The following ANKRD28 variants were observed in gnomAD, a reference collection of about 807,000 sequenced individuals.
The protein encoded by ANKRD28 is serine/threonine-protein phosphatase 6 regulatory ankyrin repeat subunit A.
In ANKRD28, 44 loss-of-function variants were observed where a neutral mutation model predicts 126.5. The ratio of observed to expected loss-of-function variants is 0.35; its 90% CI spans 0.27 to 0.45. The LOEUF is 0.45. Among genes scored for constraint, ANKRD28 ranks in the 20% least tolerant of loss-of-function variants. The pLI, the probability that ANKRD28 is intolerant of heterozygous loss-of-function variation, is 1.00. For synonymous variants in ANKRD28, 442 were observed against 468.5 expected, an observed-to-expected ratio of 0.94 and a Z score of 0.73; for missense variants, 1,110 against 1,316.6, an observed-to-expected ratio of 0.84 and a Z score of 2.43.
Position 15,670,547 on chromosome 3 carries a change from G to A in ANKRD28, c.2975C>T (p.Pro992Leu). 6.2e-7 allele frequency: 1 copy of A among 1,613,460 alleles called. No individual in the cohort carries two copies. The highest frequency in any genetic ancestry group is 8.5e-7 in the Non-Finnish European group (1 of 1,179,548). ...CTTATTGGGAGCACAGGCCAAAGCT[G>A]GGGTATAGCCTAGAATTAAAGATAA... ...VLAVDENGYTPALACAPNKDV... is the reference protein window; with the variant it reads ...VLAVDENGYTLALACAPNKDV... Residue 992 changes from proline (P) to leucine (L), a missense_variant, in exon 28 of 28, where the codon CCA (proline) becomes CTA (leucine). Physicochemically the swap from Pro to Leu is moderately conservative, Grantham distance 98. Coordinates refer to ENST00000683139, the MANE Select transcript of ANKRD28 (RefSeq NM_001349278.2).
At chr3:15,689,834 C>T (rs139478457) in intron 18 of ANKRD28, 185 bp downstream of exon 18, 156 of 575,244 alleles carry the variant, frequency 2.7e-4, no homozygotes, top group Non-Finnish European at 3.6e-4. Context: ...TTATGAATGA[C>T]GGAGGCTTTG....
rs1192217051 is a variant in ANKRD28, at chr3:15,853,711, C to T, written c.27+5666G>A. ...GTCTCGATCTCCTGACCTCATGATC[C>T]GCCCGCCTCGGTCTCCCAAAGTGCT... On this transcript the variant is annotated intron_variant, in intron 1 of 27. Transcript: ENST00000399451. This position sits in a 1 kb window ranked among gnomAD's most constrained non-coding sequence, Gnocchi z 4.2. Among the ~76,000 whole-genome samples the T allele has an allele frequency of 2.0e-5, 3 of 152,066 alleles. No individual in the cohort carries two copies. Among genetic ancestry groups the T allele is most frequent in the Non-Finnish European group, 2.9e-5 (2 of 68,014 alleles).
At position 15,814,981 on chromosome 3, in the gene ANKRD28, G is replaced by C. The variant is rs1575758437; in HGVS notation, c.28-19675C>G. ...TCCATCACTCCTCATTTAACAATGT[G>C]GACCTTAAATATTCCGCAACACCCT... On this transcript the variant is annotated intron_variant, in intron 1 of 27. Coordinates refer to the ANKRD28 transcript ENST00000399451. The surrounding 1 kb of genome is among the most constrained non-coding windows in gnomAD (Gnocchi z 4.7). Among the ~76,000 whole-genome samples the C allele has an allele frequency of 6.6e-6, 1 of 150,722 alleles. No homozygotes were observed. The highest frequency in any genetic ancestry group is 1.5e-5 in the Non-Finnish European group (1 of 67,712).
intron 1 of ANKRD28, among the ~76,000 whole-genome samples, chr3:15,834,483 G>A (rs2061278490): frequency 6.6e-6 from 1 of 152,112 alleles, no homozygotes; most frequent in African/African-American, 2.4e-5. Flanking sequence ...GTCAGATAAT[G>A]TGATGCCTCC....
At chr3:15,716,227 C>A (rs1235023835) in intron 8 of ANKRD28, among the ~76,000 whole-genome samples, 1 of 151,562 alleles carries the variant, frequency 6.6e-6, no homozygotes, top group Non-Finnish European at 1.5e-5. Context: ...AGTAATCCAC[C>A]CGCCTCGGCC....
intron 4 of ANKRD28, among the ~76,000 whole-genome samples, chr3:15,744,044 T>C (rs558921060): frequency 4.7e-4 from 71 of 152,358 alleles, no homozygotes; most frequent in African/African-American, 1.6e-3. Flanking sequence ...TCTGTGGCCA[T>C]AGCTATATTT....
At position 15,711,082 on chromosome 3, in the gene ANKRD28, T is replaced by C. The variant is rs555227692; in HGVS notation, c.1337+129A>G. ...TATTCTGCCACCCTGGACTTTTTTT[T>C]CCCAAACAACTCCTGTTTTGTTTTC... On this transcript the variant is annotated intron_variant, in intron 12 of 27. Transcript: ENST00000683139. 2.2e-4 allele frequency: 165 copies of C among 761,496 alleles called. 3 individuals carry two copies. The African/African-American group carries it at 2.3e-3, about 11-fold the overall frequency. The allele number at this position is 761,496 out of a possible 1,614,324, so 47.2% of individuals were successfully genotyped here.
At chr3:15,806,544 CAG>C (rs1441502478) in intron 1 of ANKRD28, among the ~76,000 whole-genome samples, 7 of 150,936 alleles carry the variant, frequency 4.6e-5, no homozygotes, top group South Asian at 2.1e-4. Context: ...TTTTTTGAGA[CAG>C]AGTCTCACTC....
At chr3:15,793,748 A>G (rs2060139169) in intron 2 of ANKRD28, among the ~76,000 whole-genome samples, 1 of 152,192 alleles carries the variant, frequency 6.6e-6, no homozygotes, top group Non-Finnish European at 1.5e-5. Flanking sequence ...CCCTGGGTAA[A>G]GTAGCCAGAC....
chr3:15,833,516 T>G lies in ANKRD28; in HGVS notation c.27+25861A>C, dbSNP rs953173700. Among the ~76,000 whole-genome samples, 4 of 148,332 alleles carry G rather than the reference T, an allele frequency of 2.7e-5. No individual in the cohort carries two copies. Among genetic ancestry groups the G allele is most frequent in the African/African-American group, 9.8e-5 (4 of 40,786 alleles). On this transcript the variant is annotated intron_variant, in intron 1 of 27. Coordinates refer to the ANKRD28 transcript ENST00000399451. This position sits in a 1 kb window ranked among gnomAD's most constrained non-coding sequence, Gnocchi z 4.4. ...AAAATATACTACATATTATGTACTA[T>G]ATATATATAAAATATATACATTATT...
At chr3:15,807,877 T>G (rs548797323) in intron 1 of ANKRD28, among the ~76,000 whole-genome samples, 1 of 152,354 alleles carries the variant, frequency 6.6e-6, no homozygotes, top group East Asian at 1.9e-4. Flanking sequence ...TACTTTTATC[T>G]GGCATTTTTC....
intron 2 of ANKRD28, among the ~76,000 whole-genome samples, chr3:15,787,714 ACAGT>A (rs1355464474): frequency 6.6e-6 from 1 of 152,204 alleles, no homozygotes; most frequent in Non-Finnish European, 1.5e-5. Context: ...TGGTGTACTG[ACAGT>A]CAGCAGAAGC....
chr3:15,756,008 C>A (rs1232412688), intron 3 of ANKRD28, among the ~76,000 whole-genome samples: 1 of 152,236 alleles, frequency 6.6e-6, no homozygotes, highest in Non-Finnish European at 1.5e-5. Context: ...AGAAAACTTA[C>A]ATGCCAGAAG....
In ANKRD28 at chr3:15,853,737, G is replaced by A. The variant is rs1277653878; in HGVS notation, c.27+5640C>T. ...GCCCGCCTCGGTCTCCCAAAGTGCT[G>A]GGATTACAGGCATGAGCCACCGCGC... On this transcript the variant is annotated intron_variant, in intron 1 of 27. Coordinates refer to the ANKRD28 transcript ENST00000399451. The surrounding 1 kb of genome is among the most constrained non-coding windows in gnomAD (Gnocchi z 4.2). Among the ~76,000 whole-genome samples, 1 of 152,054 alleles carries A rather than the reference G, an allele frequency of 6.6e-6. No individual in the cohort carries two copies. Among genetic ancestry groups the A allele is most frequent in the Non-Finnish European group, 1.5e-5 (1 of 68,012 alleles).
At chr3:15,705,732 T>C (rs1311958092) in intron 14 of ANKRD28, among the ~76,000 whole-genome samples, 16 of 152,232 alleles carry the variant, frequency 1.1e-4, no homozygotes, top group South Asian at 6.2e-4. Context: ...CTGGGCGCAG[T>C]GGCTCACTCC....
At chr3:15,699,229 C>T (rs960860412) in intron 14 of ANKRD28, among the ~76,000 whole-genome samples, 2 of 152,090 alleles carry the variant, frequency 1.3e-5, no homozygotes, top group African/African-American at 4.8e-5. Flanking sequence ...ACACTATATA[C>T]AAAAATTAAC....
intron 1 of ANKRD28, among the ~76,000 whole-genome samples, chr3:15,858,442 T>C (rs1056878535): frequency 6.6e-6 from 1 of 152,188 alleles, no homozygotes; most frequent in African/African-American, 2.4e-5. Context: ...TTAAGTAATA[T>C]AAAAAATAGT....
In ANKRD28 at chr3:15,709,707, T is replaced by G; in HGVS notation, c.1367A>C (p.Asn456Thr). 1 of 1,582,792 alleles carries G rather than the reference T, an allele frequency of 6.3e-7. No homozygotes were observed. Residue 456 changes from asparagine (N) to threonine (T), a missense_variant, in exon 13 of 28, where the codon AAT (asparagine) becomes ACT (threonine). Transcript: ENST00000683139. Reference sequence around the variant, plus strand: ...CTTTTTATTAAAGTCTGCACCAGTATTCAGCAGAAGGTTTAGGCACTCCAA... The same window carrying G: ...CTTTTTATTAAAGTCTGCACCAGTAGTCAGCAGAAGGTTTAGGCACTCCAA... ...GNLECLNLLL[N>T]TGADFNKKDK...
intron 27 of ANKRD28, among the ~76,000 whole-genome samples, chr3:15,671,833 C>A (rs2066397160): frequency 6.6e-6 from 1 of 152,088 alleles, no homozygotes; most frequent in Admixed American, 6.6e-5. Context: ...GATCTGCCTG[C>A]CTCGGCCTCC....
Sources: gnomAD v4.1 joint callset for allele counts (sites outside exome capture counted in the v4.1 genomes callset) on GRCh38, gnomAD v4.1.1 for gene constraint, Gnocchi (gnomAD v3.1) non-coding constraint, MANE v1.5 for transcripts, NCBI Gene and HGNC (gene_info 2026-07-23, HGNC 2026-07-21) for gene names.